The following RYR1 variants were observed in gnomAD, a reference collection of about 807,000 sequenced individuals.
The protein encoded by RYR1 is central core disease of muscle.
Under a neutral mutation model 583.5 loss-of-function variants are expected in RYR1, and 342 were observed. The observed-to-expected ratio is 0.59, with a 90% CI of 0.54 to 0.64. The LOEUF (loss-of-function observed/expected upper bound fraction) is 0.64. Among genes scored for constraint, RYR1 ranks in the 30% least tolerant of loss-of-function variants. RYR1 has a pLI of 0.00. For synonymous variants in RYR1, 2,791 were observed against 2,822.5 expected, an observed-to-expected ratio of 0.99 and a Z score of 0.35; for missense variants, 6,032 against 6,917.2, an observed-to-expected ratio of 0.87 and a Z score of 4.54.
At chr19:38,541,367 G>A (rs917747400) in intron 84 of RYR1, among the ~76,000 whole-genome samples, 2 of 152,130 alleles carry the variant, frequency 1.3e-5, no homozygotes, top group Non-Finnish European at 2.9e-5. Context: ...CTTCTCTTTC[G>A]GGAATAGGTG....
chr19:38,469,511 G>C lies in RYR1; in HGVS notation c.3763G>C (p.Glu1255Gln). 1 of 1,613,968 alleles carries C rather than the reference G, an allele frequency of 6.2e-7. No homozygotes were observed. Among genetic ancestry groups the C allele is most frequent in the Non-Finnish European group, 8.5e-7 (1 of 1,179,970 alleles). Residue 1255 changes from glutamate to glutamine, a missense_variant and splice_region_variant, in exon 27 of 106, where the codon GAG (glutamate) becomes CAG (glutamine). Around this residue, in one of 11 missense-constraint regions of RYR1, gnomAD observed 2,627 missense variants for 2,961.3 expected, o/e 0.89. Transcript: ENST00000359596. The part of the protein sequence containing the change: ...EPVPLEHPHY[E>Q]VSRVDGTVDT... ...AGTGCCCCTTGAACACCCTCACTAT[G>C]AGGTAAGGACTGAGCCCCTCAATGC...
intron 31 of RYR1, among the ~76,000 whole-genome samples, chr19:38,481,914 C>G (rs1239309142): frequency 6.6e-6 from 1 of 151,900 alleles, no homozygotes; most frequent in Admixed American, 6.6e-5. Flanking sequence ...ATGGTGAAAC[C>G]CCATCTCTAC....
intron 89 of RYR1, among the ~76,000 whole-genome samples, chr19:38,554,554 CT>C (rs1172956098): frequency 1.3e-5 from 2 of 151,678 alleles, no homozygotes; most frequent in African/African-American, 2.4e-5. Context: ...TGATGAAGTA[CT>C]TTGTAGATTT....
At chr19:38,443,515 T>A in intron 3 of RYR1, 43 bp from the exon 4 acceptor site, 1 of 1,569,676 alleles carries the variant, frequency 6.4e-7, no homozygotes, top group Non-Finnish European at 8.7e-7. Flanking sequence ...ATCTGGAGAG[T>A]CCGGGGATCT....
At chr19:38,451,257 G>A (rs1054372267) in intron 11 of RYR1, among the ~76,000 whole-genome samples, 2 of 152,248 alleles carry the variant, frequency 1.3e-5, no homozygotes, top group East Asian at 3.8e-4. Context: ...ATCAGCAGGT[G>A]GATGGTGTTT....
intron 30 of RYR1, 101 bp from the exon 31 acceptor site, chr19:38,478,334 G>A (rs1050173905): frequency 8.3e-6 from 11 of 1,323,544 alleles, no homozygotes; most frequent in Non-Finnish European, 1.1e-5. Context: ...TTTGGGGATG[G>A]GACTCTGAGG....
At chr19:38,467,490 T>C in intron 24 of RYR1, 120 bp from the exon 25 acceptor site, 1 of 1,099,400 alleles carries the variant, frequency 9.1e-7, no homozygotes, top group African/African-American at 1.5e-5. Context: ...AAATTGACCC[T>C]CTTCCAACAG....
chr19:38,561,175 A>T lies in RYR1; in HGVS notation c.12345A>T (p.Glu4115Asp). 6.2e-7 allele frequency: 1 copy of T among 1,614,164 alleles called. No homozygotes were observed. The highest frequency in any genetic ancestry group is 1.3e-5 in the African/African-American group (1 of 75,034). ...PEIQFLLSCS[E>D]ADENEMINCE... ...TCCAGTTCCTGCTTTCGTGCTCCGA[A>T]GCGGATGAGAACGAAATGATCAACT... The change falls in exon 90 of 106, where the codon GAA (glutamate) becomes GAT (aspartate). Residue 4115 changes from glutamate to aspartate, a missense_variant. Around this residue, in one of 11 missense-constraint regions of RYR1, gnomAD observed 753 missense variants for 759.6 expected, o/e 0.99. Transcript: ENST00000359596. This position sits in a 1 kb window ranked among gnomAD's most constrained non-coding sequence, Gnocchi z 4.8.
intron 35 of RYR1, 28 bp downstream of exon 35, chr19:38,489,471 C>G: frequency 6.2e-7 from 1 of 1,613,606 alleles, no homozygotes; most frequent in Non-Finnish European, 8.5e-7. Context: ...GCTTTTCGGC[C>G]TCTGTCCATC....
At position 38,520,693 on chromosome 19, in the gene RYR1, CAAA is replaced by C. The variant is rs71165555; in HGVS notation, c.10259+1263_10259+1265del. On this transcript the variant is annotated intron_variant, in intron 67 of 105. Transcript: ENST00000359596. ...CTAGGAACAGAGCGAGGCTCCACCT[CAAA>C]AAAAAAAAAAAAAAAAAAAAAAAGA... 2.8e-3 allele frequency among the ~76,000 whole-genome samples: 131 copies of C among 46,886 alleles called. 1 individual carries two copies. The highest frequency in any genetic ancestry group is 0.015 in the Middle Eastern group (1 of 68). 30.8% of individuals were successfully genotyped at this position (46,886 alleles called of 152,430 possible). A position where few individuals can be genotyped will look rare whatever the true frequency, so the allele number is the denominator to read the frequency against.
At chr19:38,567,422 C>T (rs914973438) in intron 92 of RYR1, among the ~76,000 whole-genome samples, 9 of 152,290 alleles carry the variant, frequency 5.9e-5, no homozygotes, top group South Asian at 2.1e-4. Flanking sequence ...GAACACAGGC[C>T]CCCATGCCTA....
At chr19:38,551,316 C>T (rs1308376757) in intron 89 of RYR1, among the ~76,000 whole-genome samples, 1 of 151,552 alleles carries the variant, frequency 6.6e-6, no homozygotes, top group Non-Finnish European at 1.5e-5. Flanking sequence ...TTCCCAACCT[C>T]AAGTGATCCG....
chr19:38,532,897 C>T (rs1251387777), intron 78 of RYR1, among the ~76,000 whole-genome samples, 161 bp downstream of exon 78: 5 of 152,252 alleles, frequency 3.3e-5, no homozygotes, highest in South Asian at 4.1e-4. Context: ...ACTAACACCA[C>T]GGAGTGTACA....
At position 38,444,716 on chromosome 19, in the gene RYR1, C is replaced by CCA. The variant is rs398120988; in HGVS notation, c.631+39_631+40insCA. 3 of 1,482,290 alleles carry CCA rather than the reference C, an allele frequency of 2.0e-6. No individual in the cohort carries two copies. Among genetic ancestry groups the CCA allele is most frequent in the Non-Finnish European group, 1.9e-6 (2 of 1,067,744 alleles). 91.8% of individuals were successfully genotyped at this position (1,482,290 alleles called of 1,614,324 possible). A position where few individuals can be genotyped will look rare whatever the true frequency, so the allele number is the denominator to read the frequency against. ...ACCTCCCCCTAAATGGAGATCCCCC[C>CCA]AAAACAGACCCTTAATGTTGCCCTT... On this transcript the variant is annotated intron_variant, in intron 7 of 105. Transcript: ENST00000359596. This position sits in a 1 kb window ranked among gnomAD's most constrained non-coding sequence, Gnocchi z 5.1.
intron 24 of RYR1, among the ~76,000 whole-genome samples, chr19:38,466,855 T>A (rs375505682): frequency 1.1e-4 from 16 of 152,260 alleles, no homozygotes; most frequent in Middle Eastern, 3.4e-3. Context: ...CAGAAAGGAC[T>A]GACCCCTCCC....
intron 31 of RYR1, among the ~76,000 whole-genome samples, chr19:38,479,010 C>G (rs1968884540): frequency 6.6e-6 from 1 of 152,128 alleles, no homozygotes; most frequent in Non-Finnish European, 1.5e-5. Flanking sequence ...TCAAGTGGTC[C>G]ACCCACCTCG....
In RYR1 at chr19:38,499,729, AG is replaced by A. The variant is rs1393616439; in HGVS notation, c.7125del (p.Leu2376CysfsTer54). ...GPALRGEGGS[G>X]LLAAIEEAIR... Reference sequence around the variant, plus strand: ...CCGCCCTGCGGGGTGAGGGTGGCTCAGGGCTGCTGGCTGCCATCGAAGAGGC... The same window carrying A: ...CCGCCCTGCGGGGTGAGGGTGGCTCAGGCTGCTGGCTGCCATCGAAGAGGC... On this transcript the variant is annotated frameshift_variant, in exon 44 of 106. Coordinates refer to ENST00000359596, the MANE Select transcript of RYR1 (RefSeq NM_000540.3). LOFTEE classifies it high-confidence loss of function. This position sits in a 1 kb window ranked among gnomAD's most constrained non-coding sequence, Gnocchi z 7.3. 3 of 1,601,920 alleles carry A rather than the reference AG, an allele frequency of 1.9e-6. No individual in the cohort carries two copies.
Position 38,500,881 on chromosome 19 carries a change from T to C in RYR1, c.7505T>C (p.Met2502Thr). 1.3e-6 allele frequency: 2 copies of C among 1,573,676 alleles called. No individual in the cohort carries two copies. The highest frequency in any genetic ancestry group is 1.7e-6 in the Non-Finnish European group (2 of 1,155,128). Reference sequence around the variant, plus strand: ...TTCGTGCCGGACCACAAGGCGTCCATGGTGCTCTTCCTGGACCGTGTGTAT... The same window carrying C: ...TTCGTGCCGGACCACAAGGCGTCCACGGTGCTCTTCCTGGACCGTGTGTAT... ...ASFVPDHKAS[M>T]VLFLDRVYGI... The change falls in exon 47 of 106, where the codon ATG becomes ACG. Residue 2502 changes from methionine to threonine, a missense_variant. This residue lies in a region of RYR1 where 2,627 missense variants were observed against 2,961.3 expected (regional missense o/e 0.89). Transcript: ENST00000359596. This position sits in a 1 kb window ranked among gnomAD's most constrained non-coding sequence, Gnocchi z 5.9.
At position 38,587,392 on chromosome 19, in the gene RYR1, G is replaced by A. The variant is rs747155223; in HGVS notation, c.15089G>A (p.Arg5030His). The change falls in exon 106 of 106, where the codon CGT becomes CAT. Residue 5030 changes from arginine to histidine, a missense_variant. Physicochemically the swap from Arg to His is conservative, Grantham distance 29. This residue lies in a region of RYR1 where 189 missense variants were observed against 350.3 expected (regional missense o/e 0.54). Transcript: ENST00000359596. ...TTCTTCCCAGCTGGTGATTGTTTCC[G>A]TAAGCAGTATGAGGACCAGCTTAGC... is the stretch of plus-strand genomic sequence containing the variant. ...WDFFPAGDCF[R>H]KQYEDQLS 2.7e-5 allele frequency: 43 copies of A among 1,613,934 alleles called. No homozygotes were observed. The East Asian group carries it at 3.6e-4, about 13-fold the overall frequency.
Sources: gnomAD v4.1 joint callset for allele counts (sites outside exome capture counted in the v4.1 genomes callset) on GRCh38, gnomAD v4.1.1 for gene constraint, gnomAD v4.1.1 regional missense constraint, Gnocchi (gnomAD v3.1) non-coding constraint, MANE v1.5 for transcripts, NCBI Gene and HGNC (gene_info 2026-07-23, HGNC 2026-07-21) for gene names.